KCND2: variants seen among roughly 807,000 people sequenced by gnomAD.
KCND2 encodes potassium voltage-gated channel subfamily D member 2, also known as A-type voltage-gated potassium channel KCND2.
KCND2 carries 16 observed loss-of-function variants against 54.4 expected under a neutral mutation model. The ratio of observed to expected loss-of-function variants is 0.29; its 90% CI spans 0.20 to 0.45. The LOEUF (loss-of-function observed/expected upper bound fraction) is 0.45. Ranked by LOEUF, KCND2 falls within the 20% of genes least tolerant of loss-of-function variation. The pLI, the probability that KCND2 is intolerant of heterozygous loss-of-function variation, is 1.00. For synonymous variants in KCND2, 317 were observed against 310.7 expected (o/e 1.02, Z -0.21); for missense variants, 486 against 824.2 (o/e 0.59, Z 5.02).
In KCND2 at chr7:120,740,864, G is replaced by A. The variant is rs190289679; in HGVS notation, c.1279-670G>A. On this transcript the variant is annotated intron_variant, in intron 2 of 5. Transcript: ENST00000331113. ...GATGCACATACAGTCGTGCGGACCC[G>A]TGCCGGTAGACAAAGTAGATAAATT... The A allele has an allele frequency of 9.6e-5, 44 of 456,014 alleles. No individual in the cohort carries two copies. In the Middle Eastern group the frequency reaches 1.3e-3, roughly 13 times the overall value. 28.2% of individuals were successfully genotyped at this position (456,014 alleles called of 1,614,324 possible). A position where few individuals can be genotyped will look rare whatever the true frequency, so the allele number is the denominator to read the frequency against.
intron 1 of KCND2, among the ~76,000 whole-genome samples, chr7:120,636,729 T>A (rs1188173081): frequency 6.6e-6 from 1 of 152,054 alleles, no homozygotes; most frequent in Non-Finnish European, 1.5e-5. Flanking sequence ...TCTGTAAAGA[T>A]CTGTGAAATA....
intron 1 of KCND2, among the ~76,000 whole-genome samples, chr7:120,312,665 A>G (rs1799755258): frequency 6.6e-6 from 1 of 152,144 alleles, no homozygotes. Context: ...GGTGTTGTTC[A>G]CGGCCTAACT....
chr7:120,319,104 C>G (rs930292229), intron 1 of KCND2, among the ~76,000 whole-genome samples: 3 of 152,000 alleles, frequency 2.0e-5, no homozygotes, highest in Non-Finnish European at 4.4e-5. Context: ...AGCATCAGAG[C>G]GTTTAATTTT....
Position 120,537,514 on chromosome 7 carries a change from A to G in KCND2, c.1116-195389A>G, listed in dbSNP as rs1336986187. Among the ~76,000 whole-genome samples the G allele has an allele frequency of 2.0e-5, 3 of 152,338 alleles. No homozygotes were observed. In the South Asian group the frequency reaches 6.2e-4, roughly 32 times the overall value. On this transcript the variant is annotated intron_variant, in intron 1 of 5. Transcript: ENST00000331113. The stretch of plus-strand genomic sequence containing the variant: ...GTCTGTCCTTTGAAGACTTGCTGCT[A>G]GACATTGACTTCTCCTCTCTACCTA...
At chr7:120,394,424 A>G (rs1223419859) in intron 1 of KCND2, among the ~76,000 whole-genome samples, 3 of 151,938 alleles carry the variant, frequency 2.0e-5, no homozygotes, top group Non-Finnish European at 2.9e-5. Context: ...TTTAGGTTCT[A>G]TAATAGTGAT....
At chr7:120,728,812 C>G (rs1426085963) in intron 1 of KCND2, among the ~76,000 whole-genome samples, 1 of 151,856 alleles carries the variant, frequency 6.6e-6, no homozygotes, top group Non-Finnish European at 1.5e-5. Context: ...AATAAATAAT[C>G]CTACTGGGCT....
intron 1 of KCND2, among the ~76,000 whole-genome samples, chr7:120,381,404 A>AT (rs1800913939): frequency 6.6e-6 from 1 of 152,108 alleles, no homozygotes; most frequent in Non-Finnish European, 1.5e-5. Context: ...TTCTGTAAGT[A>AT]TTTTTTGCCC....
chr7:120,609,127 C>A (rs1447901427), intron 1 of KCND2, among the ~76,000 whole-genome samples: 2 of 151,002 alleles, frequency 1.3e-5, no homozygotes, highest in Non-Finnish European at 3.0e-5. Flanking sequence ...TTTTTTTTTT[C>A]TGTACAGTTA....
intron 1 of KCND2, among the ~76,000 whole-genome samples, chr7:120,286,890 A>G (rs1182076914): frequency 6.6e-6 from 1 of 152,080 alleles, no homozygotes; most frequent in Non-Finnish European, 1.5e-5. Context: ...AGCATCAAGT[A>G]TTAAAGGTGA....
intron 1 of KCND2, among the ~76,000 whole-genome samples, chr7:120,581,875 C>T (rs537308029): frequency 6.6e-6 from 1 of 151,992 alleles, no homozygotes; most frequent in Non-Finnish European, 1.5e-5. Context: ...CCAAACCCAG[C>T]TAATTTTTTC....
At chr7:120,308,446 C>T (rs1202426982) in intron 1 of KCND2, among the ~76,000 whole-genome samples, 4 of 151,996 alleles carry the variant, frequency 2.6e-5, no homozygotes, top group Admixed American at 6.6e-5. Flanking sequence ...AGAACTTAGC[C>T]GGATTTTACA....
intron 1 of KCND2, among the ~76,000 whole-genome samples, chr7:120,403,112 C>G (rs1428271220): frequency 6.6e-6 from 1 of 152,142 alleles, no homozygotes; most frequent in East Asian, 1.9e-4. Context: ...TCCCAAGCTC[C>G]CAAGAGTTGA....
chr7:120,632,143 T>TTA lies in KCND2; in HGVS notation c.1116-100756_1116-100755dup, dbSNP rs1186469202. 2.6e-5 allele frequency among the ~76,000 whole-genome samples: 4 copies of TTA among 152,296 alleles called. No homozygotes were observed. In the East Asian group the frequency reaches 7.7e-4, roughly 29 times the overall value. On this transcript the variant is annotated intron_variant, in intron 1 of 5. Coordinates refer to ENST00000331113, the MANE Select transcript of KCND2 (RefSeq NM_012281.3). ...ATTAGAGAAGAGCAATGCCAGTAAATTATATTCATAATGCAGCATCTGCTA... is the reference window on the plus strand; with the variant it reads ...ATTAGAGAAGAGCAATGCCAGTAAATTATATATTCATAATGCAGCATCTGCTA...
intron 1 of KCND2, among the ~76,000 whole-genome samples, chr7:120,654,901 A>G (rs1305818545): frequency 1.3e-5 from 2 of 152,112 alleles, no homozygotes; most frequent in African/African-American, 2.4e-5. Context: ...TACACAAGAA[A>G]TGATCACAAT....
chr7:120,582,913 G>A (rs368896598), intron 1 of KCND2, among the ~76,000 whole-genome samples: 1 of 151,238 alleles, frequency 6.6e-6, no homozygotes. Flanking sequence ...TATGACATTA[G>A]TTTCTCATCC....
intron 1 of KCND2, among the ~76,000 whole-genome samples, chr7:120,342,578 A>T (rs980850966): frequency 6.6e-6 from 1 of 152,186 alleles, no homozygotes; most frequent in Non-Finnish European, 1.5e-5. Context: ...TACAACATGT[A>T]TAAGGTACAA....
chr7:120,508,726 T>G (rs1052840357), intron 1 of KCND2, among the ~76,000 whole-genome samples: 5 of 151,962 alleles, frequency 3.3e-5, no homozygotes, highest in Admixed American at 6.6e-5. Flanking sequence ...CTGAATAATA[T>G]GTAAAATAAT....
At chr7:120,511,024 TCACA>T (rs10594846) in intron 1 of KCND2, among the ~76,000 whole-genome samples, 76 of 145,054 alleles carry the variant, frequency 5.2e-4, no homozygotes, top group African/African-American at 1.1e-3. Flanking sequence ...TCTCTCTCTC[TCACA>T]CACACACACA....
At chr7:120,614,655 A>G (rs1487501074) in intron 1 of KCND2, among the ~76,000 whole-genome samples, 1 of 152,204 alleles carries the variant, frequency 6.6e-6, no homozygotes, top group Non-Finnish European at 1.5e-5. Flanking sequence ...TCATTTACTA[A>G]CCTAATGTCT....
Sources: gnomAD v4.1 joint callset for allele counts (sites outside exome capture counted in the v4.1 genomes callset) on GRCh38, gnomAD v4.1.1 for gene constraint, MANE v1.5 for transcripts, NCBI Gene and HGNC (gene_info 2026-07-23, HGNC 2026-07-21) for gene names.